The following ZFYVE16 variants were observed in gnomAD, a reference collection of about 807,000 sequenced individuals.
ZFYVE16 encodes zinc finger FYVE domain-containing protein 16.
A neutral mutation model predicts 138.1 loss-of-function variants in ZFYVE16; 89 were observed. The observed-to-expected ratio is 0.64, with a 90% confidence interval of 0.54 to 0.77. ZFYVE16 has a LOEUF of 0.77. Among genes scored for constraint, ZFYVE16 ranks in the 30% least tolerant of loss-of-function variants. The pLI is 0.00. For missense variants in ZFYVE16, 1,793 were observed against 1,786.7 expected (o/e 1.00, Z -0.06); for synonymous variants, 596 against 618.3 (o/e 0.96, Z 0.53).
rs570147578 is a variant in ZFYVE16, at chr5:80,437,983, T to C, written c.1298T>C (p.Leu433Pro). ...GGGGAACCATTCAAAGAGAATGATC[T>C]TTTGAAACAGGAAAAATGTAAAAGC... Reference protein sequence around the residue: ...LGGEPFKENDLLKQEKCKSIL... With the variant: ...LGGEPFKENDPLKQEKCKSIL... The change falls in exon 4 of 19, where the codon CTT (leucine) becomes CCT (proline). Residue 433 changes from leucine to proline, a missense_variant. Leu to Pro is a moderately conservative substitution (Grantham distance 98, BLOSUM62 -3). Transcript: ENST00000505560. The C allele has an allele frequency of 6.8e-6, 11 of 1,614,006 alleles. No homozygotes were observed. The South Asian group carries it at 1.2e-4, about 18-fold the overall frequency.
chr5:80,415,360 A>G (rs766664685), intron 1 of ZFYVE16, among the ~76,000 whole-genome samples: 7 of 152,194 alleles, frequency 4.6e-5, no homozygotes, highest in Non-Finnish European at 1.0e-4. Flanking sequence ...TAAAGGCTAT[A>G]CTTTATTCGC....
At position 80,481,257 on chromosome 5, in the gene ZFYVE16, GCC is replaced by G. The variant is rs1393672654; in HGVS notation, c.*3882_*3883del. On this transcript the variant is annotated 3_prime_UTR_variant, in exon 19 of 19. Coordinates refer to ENST00000505560, the MANE Select transcript of ZFYVE16 (RefSeq NM_001284236.3). ...GAACACTGGCAATGGGGAGGCTAACGCCCTGACTTTCTAGCCAAAAACCAAGA... is the reference window on the plus strand; with the variant it reads ...GAACACTGGCAATGGGGAGGCTAACGCTGACTTTCTAGCCAAAAACCAAGA... Among the ~76,000 whole-genome samples, 1 of 152,144 alleles carries G rather than the reference GCC, an allele frequency of 6.6e-6. No homozygotes were observed. Among genetic ancestry groups the G allele is most frequent in the Non-Finnish European group, 1.5e-5 (1 of 68,022 alleles).
intron 1 of ZFYVE16, among the ~76,000 whole-genome samples, chr5:80,420,460 G>T (rs1157971322): frequency 1.3e-5 from 2 of 151,920 alleles, no homozygotes; most frequent in East Asian, 3.9e-4. Flanking sequence ...CCCACACCAC[G>T]ACAGGCCCTG....
At chr5:80,410,910 A>G (rs1745342720) in intron 1 of ZFYVE16, among the ~76,000 whole-genome samples, 1 of 151,674 alleles carries the variant, frequency 6.6e-6, no homozygotes, top group East Asian at 1.9e-4. Flanking sequence ...AAACAACAAA[A>G]TTATGTTTTC....
Position 80,436,940 on chromosome 5 carries a change from C to T in ZFYVE16, c.255C>T (p.Leu85=), listed in dbSNP as rs772754949. 6.2e-7 allele frequency: 1 copy of T among 1,614,080 alleles called. No homozygotes were observed. Among genetic ancestry groups the T allele is most frequent in the Non-Finnish European group, 8.5e-7 (1 of 1,180,000 alleles). ...TNESSLNEKT[L]KGLTSIQNEK... ...AGAGTTCCCTGAATGAAAAAACACT[C>T]AAGGGACTTACTTCTATACAAAATG... The change falls in exon 4 of 19, where the codon CTC becomes CTT. Residue 85 remains leucine, a synonymous_variant. Transcript: ENST00000505560.
intron 1 of ZFYVE16, among the ~76,000 whole-genome samples, chr5:80,421,770 C>T (rs535551818): frequency 1.3e-5 from 2 of 152,282 alleles, no homozygotes; most frequent in East Asian, 1.9e-4. Flanking sequence ...ACTGTCTCGG[C>T]AATGCGGGCC....
intron 13 of ZFYVE16, 151 bp downstream of exon 13, chr5:80,456,716 A>G: frequency 1.1e-6 from 1 of 882,142 alleles, no homozygotes; most frequent in Non-Finnish European, 1.7e-6. Context: ...TGTTTACTGT[A>G]AATAATCTGT....
At chr5:80,414,743 TAATA>T (rs1205736614) in intron 1 of ZFYVE16, among the ~76,000 whole-genome samples, 4 of 152,108 alleles carry the variant, frequency 2.6e-5, no homozygotes, top group Admixed American at 6.6e-5. Context: ...ACAGCAAATA[TAATA>T]AATAAATTAT....
intron 15 of ZFYVE16, among the ~76,000 whole-genome samples, chr5:80,466,946 G>A (rs1176033810): frequency 6.6e-6 from 1 of 152,168 alleles, no homozygotes. Flanking sequence ...CACAGCAGAA[G>A]CCTTGAAAAC....
chr5:80,425,054 G>C (rs957113207), intron 1 of ZFYVE16, among the ~76,000 whole-genome samples: 1 of 152,086 alleles, frequency 6.6e-6, no homozygotes, highest in African/African-American at 2.4e-5. Flanking sequence ...TGTATCGTCT[G>C]GTGTAATATG....
chr5:80,414,658 T>C (rs905404906), intron 1 of ZFYVE16, among the ~76,000 whole-genome samples: 3 of 152,238 alleles, frequency 2.0e-5, no homozygotes, highest in African/African-American at 7.2e-5. Context: ...CAAGACATTT[T>C]GAATATATAG....
In ZFYVE16 at chr5:80,472,850, A is replaced by G; in HGVS notation, c.4114A>G (p.Lys1372Glu). 9 of 1,614,046 alleles carry G rather than the reference A, an allele frequency of 5.6e-6. No homozygotes were observed. The South Asian group carries it at 9.9e-5, about 18-fold the overall frequency. The change falls in exon 16 of 19, where the codon AAA becomes GAA. Residue 1372 changes from lysine (K) to glutamate (E), a missense_variant. Around this residue, in one of 2 missense-constraint regions of ZFYVE16, gnomAD observed 498 missense variants for 582.4 expected, o/e 0.86. Coordinates refer to ENST00000505560, the MANE Select transcript of ZFYVE16 (RefSeq NM_001284236.3). ...EQKDFKITCG[K>E]VDAVDLREYV... ...GAAAGACTTTAAAATTACATGTGGG[A>G]AAGTTGATGCAGTAGACCTGAGAGA... is the stretch of plus-strand genomic sequence containing the variant.
At chr5:80,436,142 C>A (rs972199942) in intron 3 of ZFYVE16, among the ~76,000 whole-genome samples, 2 of 152,198 alleles carry the variant, frequency 1.3e-5, no homozygotes, top group Non-Finnish European at 2.9e-5. Context: ...AAGTCTCCTT[C>A]CTTTCTTCAA....
intron 1 of ZFYVE16, among the ~76,000 whole-genome samples, chr5:80,423,492 T>G (rs1744480488): frequency 6.6e-6 from 1 of 152,154 alleles, no homozygotes; most frequent in South Asian, 2.1e-4. Flanking sequence ...CTCTATTGTT[T>G]TCCTGTTTTA....
intron 9 of ZFYVE16, 79 bp from the exon 10 acceptor site, chr5:80,450,352 T>C (rs1238994354): frequency 1.8e-5 from 26 of 1,429,338 alleles, no homozygotes; most frequent in Non-Finnish European, 2.5e-5. Context: ...AAAAGTTATG[T>C]TAAATGCAAA....
At chr5:80,413,879 C>T (rs888567305) in intron 1 of ZFYVE16, among the ~76,000 whole-genome samples, 2 of 152,188 alleles carry the variant, frequency 1.3e-5, no homozygotes, top group African/African-American at 4.8e-5. Context: ...ATAGTTTACT[C>T]ATTTCCTATT....
rs369742145 is a variant in ZFYVE16, at chr5:80,436,884, G to T, written c.199G>T (p.Ala67Ser). 8.7e-6 allele frequency: 14 copies of T among 1,613,940 alleles called. No individual in the cohort carries two copies. Among genetic ancestry groups the T allele is most frequent in the African/African-American group, 1.3e-5 (1 of 74,882 alleles). The change falls in exon 4 of 19, where the codon GCC (alanine) becomes TCC (serine). Residue 67 changes from alanine (A) to serine (S), a missense_variant. This residue lies in a region of ZFYVE16 where 1,295 missense variants were observed against 1,204.3 expected (regional missense o/e 1.08). Transcript: ENST00000505560. ...AGACCAAGAGTGCGTTAATAGTTGT[G>T]CCTCATCAGAAACAAGCTATGGAAC... ...PKDQECVNSC[A>S]SSETSYGTNE...
intron 18 of ZFYVE16, among the ~76,000 whole-genome samples, chr5:80,475,804 T>G (rs1445337368): frequency 6.6e-6 from 1 of 152,236 alleles, no homozygotes; most frequent in Middle Eastern, 3.2e-3. Context: ...TGCTTTTACA[T>G]AAGCGTAAGT....
chr5:80,415,614 G>C (rs928964339), intron 1 of ZFYVE16, among the ~76,000 whole-genome samples: 1 of 152,128 alleles, frequency 6.6e-6, no homozygotes, highest in Admixed American at 6.5e-5. Context: ...CGGAGAGAAA[G>C]ACAACAGAGA....
Sources: gnomAD v4.1 joint callset for allele counts (sites outside exome capture counted in the v4.1 genomes callset) on GRCh38, gnomAD v4.1.1 for gene constraint, gnomAD v4.1.1 regional missense constraint, MANE v1.5 for transcripts, NCBI Gene and HGNC (gene_info 2026-07-23, HGNC 2026-07-21) for gene names.